PRKD1: variants seen among roughly 807,000 people sequenced by gnomAD.
PRKD1 encodes protein kinase D1, also known as serine/threonine-protein kinase D1.
A neutral mutation model predicts 95.9 loss-of-function variants in PRKD1; 63 were observed. That is an observed-to-expected ratio of 0.66 (90% CI 0.54 to 0.81). The LOEUF (loss-of-function observed/expected upper bound fraction) is 0.81. PRKD1 is among the 30% of genes least tolerant of loss of function. PRKD1 has a pLI of 0.00. For synonymous variants in PRKD1, 425 were observed against 423.1 expected, an observed-to-expected ratio of 1.00 and a Z score of -0.05; for missense variants, 1,048 against 1,165.3, an observed-to-expected ratio of 0.90 and a Z score of 1.47.
At chr14:29,613,481 T>C (rs1414875640) in intron 13 of PRKD1, among the ~76,000 whole-genome samples, 2 of 152,228 alleles carry the variant, frequency 1.3e-5, no homozygotes, top group African/African-American at 2.4e-5. Context: ...CTTATTGCCA[T>C]GCCCTGCAAA....
intron 13 of PRKD1, among the ~76,000 whole-genome samples, chr14:29,607,885 G>C (rs1402322077): frequency 6.6e-6 from 1 of 152,108 alleles, no homozygotes; most frequent in Non-Finnish European, 1.5e-5. Context: ...GTATGTGGGG[G>C]GGCATTCTGC....
At chr14:29,726,112 GT>G (rs1400668375) in intron 1 of PRKD1, among the ~76,000 whole-genome samples, 3 of 152,116 alleles carry the variant, frequency 2.0e-5, no homozygotes, top group Non-Finnish European at 4.4e-5. Flanking sequence ...GGGTCTGTCT[GT>G]TTTGGCATAT....
chr14:29,845,582 T>C (rs554231910), intron 1 of PRKD1, among the ~76,000 whole-genome samples: 1 of 152,316 alleles, frequency 6.6e-6, no homozygotes, highest in South Asian at 2.1e-4. Context: ...ATAATTTTAA[T>C]AGTCTGACTT....
At chr14:29,580,871 C>T (rs1177631709) in intron 16 of PRKD1, among the ~76,000 whole-genome samples, 1 of 151,730 alleles carries the variant, frequency 6.6e-6, no homozygotes, top group Non-Finnish European at 1.5e-5. Context: ...TTCCTTAATT[C>T]CTGTTGGCAA....
chr14:29,663,933 G>A, intron 3 of PRKD1, 74 bp from the exon 4 acceptor site: 1 of 1,433,900 alleles, frequency 7.0e-7, no homozygotes. Context: ...GTGTAAAGTA[G>A]AAATTTAAAA....
At chr14:29,688,956 A>G (rs1329764577) in intron 2 of PRKD1, among the ~76,000 whole-genome samples, 26 of 149,236 alleles carry the variant, frequency 1.7e-4, no homozygotes, top group Non-Finnish European at 2.1e-4. Context: ...CTCAAAAAAA[A>G]AAAAAAAAAA....
chr14:29,804,688 T>C (rs1458655712), intron 1 of PRKD1, among the ~76,000 whole-genome samples: 4 of 152,300 alleles, frequency 2.6e-5, no homozygotes, highest in African/African-American at 9.6e-5. Flanking sequence ...AAGTCATTGT[T>C]AGAAAGATCA....
At chr14:29,785,878 CAAAAA>C (rs1391974847) in intron 1 of PRKD1, among the ~76,000 whole-genome samples, 1 of 118,496 alleles carries the variant, frequency 8.4e-6, no homozygotes, top group Non-Finnish European at 1.8e-5. Context: ...GTGGGGCTGT[CAAAAA>C]AAAAAAAAGG....
intron 1 of PRKD1, among the ~76,000 whole-genome samples, chr14:29,820,772 A>C (rs1238397797): frequency 6.6e-6 from 1 of 152,202 alleles, no homozygotes; most frequent in African/African-American, 2.4e-5. Flanking sequence ...CAACAATAAA[A>C]AGGTAAAGAA....
intron 1 of PRKD1, among the ~76,000 whole-genome samples, chr14:29,862,510 G>T (rs952293268): frequency 6.6e-6 from 1 of 152,068 alleles, no homozygotes; most frequent in African/African-American, 2.4e-5. Context: ...AGTGTATGAG[G>T]GTTGCCAATT....
At chr14:29,627,843 G>A (rs1356052652) in intron 11 of PRKD1, among the ~76,000 whole-genome samples, 5 of 152,076 alleles carry the variant, frequency 3.3e-5, no homozygotes, top group Non-Finnish European at 7.4e-5. Context: ...TGAGTTCAAC[G>A]CTGTCTAGGG....
chr14:29,681,308 A>C (rs1355479523), intron 2 of PRKD1, among the ~76,000 whole-genome samples: 1 of 152,190 alleles, frequency 6.6e-6, no homozygotes, highest in Non-Finnish European at 1.5e-5. Flanking sequence ...TTGTGTCTTT[A>C]AGTGAGCTTC....
intron 13 of PRKD1, among the ~76,000 whole-genome samples, chr14:29,606,481 TAA>T (rs901413444): frequency 4.6e-5 from 7 of 152,206 alleles, no homozygotes; most frequent in African/African-American, 1.7e-4. Context: ...AGTGTTTTTG[TAA>T]AGATTTCAAC....
chr14:29,608,041 T>C (rs1411069981), intron 13 of PRKD1, among the ~76,000 whole-genome samples: 1 of 152,162 alleles, frequency 6.6e-6, no homozygotes, highest in Non-Finnish European at 1.5e-5. Context: ...AGTTATATTA[T>C]TTATAAATTA....
intron 1 of PRKD1, among the ~76,000 whole-genome samples, chr14:29,919,539 A>G (rs1303937661): frequency 1.3e-5 from 2 of 152,236 alleles, no homozygotes; most frequent in African/African-American, 4.8e-5. Context: ...TAATGGCACA[A>G]AAATATTTGG....
chr14:29,707,899 A>G lies in PRKD1; in HGVS notation c.403+17637T>C, dbSNP rs191191108. On this transcript the variant is annotated intron_variant, in intron 2 of 17. Coordinates refer to ENST00000331968, the MANE Select transcript of PRKD1 (RefSeq NM_002742.3). ...CCTGGGATACATCTTTCAGGCTAAT[A>G]GATTACTGACCCTTCCAAGACCTCT... Among the ~76,000 whole-genome samples, 3 of 152,278 alleles carry G rather than the reference A, an allele frequency of 2.0e-5. No homozygotes were observed. In the East Asian group the frequency reaches 5.8e-4, roughly 29 times the overall value.
intron 16 of PRKD1, among the ~76,000 whole-genome samples, chr14:29,587,987 C>CAGAGGCA (rs1892993929): frequency 6.6e-6 from 1 of 152,156 alleles, no homozygotes; most frequent in African/African-American, 2.4e-5. Context: ...ACTGGCTAGT[C>CAGAGGCA]TCCTCGCCTC....
chr14:29,743,237 A>C (rs1887060016), intron 1 of PRKD1, among the ~76,000 whole-genome samples: 1 of 152,114 alleles, frequency 6.6e-6, no homozygotes, highest in South Asian at 2.1e-4. Flanking sequence ...GGTTCTCAAA[A>C]ATCTTTATTG....
intron 1 of PRKD1, among the ~76,000 whole-genome samples, chr14:29,734,611 T>C (rs1886630092): frequency 6.6e-6 from 1 of 152,166 alleles, no homozygotes; most frequent in African/African-American, 2.4e-5. Flanking sequence ...AACTTTCTCC[T>C]ATTTGCTTGA....
Sources: allele counts gnomAD v4.1 joint callset (sites outside exome capture counted in the v4.1 genomes callset), GRCh38; gene constraint gnomAD v4.1.1; transcripts MANE v1.5; gene names NCBI Gene and HGNC (gene_info 2026-07-23, HGNC 2026-07-21).